Variants in SAMD8 observed in about 807,000 individuals in gnomAD.
SAMD8 encodes the protein sphingomyelin synthase-related protein 1.
SAMD8 carries 20 observed loss-of-function variants against 42.0 expected under a neutral mutation model. The ratio of observed to expected loss-of-function variants is 0.48; its 90% CI spans 0.34 to 0.69. The LOEUF is 0.69. Ranked by LOEUF, SAMD8 falls within the 30% of genes least tolerant of loss-of-function variation. The pLI is 0.01. For synonymous variants in SAMD8, 162 were observed against 173.0 expected, an observed-to-expected ratio of 0.94 and a Z score of 0.50; for missense variants, 328 against 511.6, an observed-to-expected ratio of 0.64 and a Z score of 3.46.
rs770174587 is a variant in SAMD8 at position 75,104,041 on chromosome 10, G to A, written c.-16+4313G>A. The A allele has an allele frequency of 2.1e-5, 29 of 1,363,328 alleles. No homozygotes were observed. The African/African-American group carries it at 3.0e-4, about 14-fold the overall frequency. 84.5% of individuals were successfully genotyped at this position (1,363,328 alleles called of 1,614,324 possible). A position where few individuals can be genotyped will look rare whatever the true frequency, so the allele number is the denominator to read the frequency against. The stretch of plus-strand genomic sequence containing the variant: ...CCAGAGCCTCCAGCAGCACCAGCAG[G>A]ATCAGTGCCAGGGTGGCAAAGTGGC... On this transcript the variant is annotated intron_variant, in intron 1 of 3. Transcript: ENST00000447533.
At chr10:75,121,892 A>C (rs905153400) in intron 1 of SAMD8, among the ~76,000 whole-genome samples, 1 of 152,082 alleles carries the variant, frequency 6.6e-6, no homozygotes, top group Non-Finnish European at 1.5e-5. Context: ...GCATTTCACC[A>C]TGTTGGCCAG....
upstream of SAMD8, chr10:75,108,007 G>C: frequency 1.2e-6 from 2 of 1,612,782 alleles, no homozygotes; most frequent in Non-Finnish European, 1.7e-6. Flanking sequence ...GGCGTGTTGA[G>C]GGCACGGTGG....
chr10:75,137,309 G>A (rs537862950), intron 1 of SAMD8, among the ~76,000 whole-genome samples: 1 of 152,176 alleles, frequency 6.6e-6, no homozygotes, highest in Non-Finnish European at 1.5e-5. Flanking sequence ...GGAGGCCGAG[G>A]TGGGTGGATC....
intron 1 of SAMD8, among the ~76,000 whole-genome samples, chr10:75,135,713 C>G (rs1006572232): frequency 3.3e-5 from 5 of 151,470 alleles, no homozygotes; most frequent in African/African-American, 1.2e-4. Flanking sequence ...GTAGTCCCAG[C>G]TACTTGGGAG....
At chr10:75,111,604 C>A, upstream of SAMD8, 2 of 1,250,496 alleles carry the variant, frequency 1.6e-6, no homozygotes, top group Non-Finnish European at 2.0e-6. Context: ...CCGCCCCGGG[C>A]TCCGCCCCCG....
At position 75,103,676 on chromosome 10, in the gene SAMD8, A is replaced by G. The variant is rs141681270; in HGVS notation, c.-16+3948A>G. 6.0e-4 allele frequency among the ~76,000 whole-genome samples: 91 copies of G among 152,348 alleles called. 1 individual carries two copies. The East Asian group carries it at 0.015, about 25-fold the overall frequency. Reference sequence around the variant, plus strand: ...CACCCATGCCTGCAGCCATACCTGCACTGGGTCTCTGAGGTCTGAGCTCCA... The same window carrying G: ...CACCCATGCCTGCAGCCATACCTGCGCTGGGTCTCTGAGGTCTGAGCTCCA... On this transcript the variant is annotated intron_variant, in intron 1 of 3. Coordinates refer to the SAMD8 transcript ENST00000447533.
intron 4 of SAMD8, among the ~76,000 whole-genome samples, chr10:75,172,746 T>C (rs1056537504): frequency 2.6e-5 from 4 of 152,204 alleles, no homozygotes; most frequent in Admixed American, 6.6e-5. Context: ...TCCACCTGCC[T>C]CGACCTCCGA....
intron 1 of SAMD8, among the ~76,000 whole-genome samples, chr10:75,147,079 A>T (rs1188578457): frequency 6.6e-6 from 1 of 152,196 alleles, no homozygotes; most frequent in Non-Finnish European, 1.5e-5. Context: ...AGCAGCTAAA[A>T]CGTCAGCATC....
chr10:75,167,160 CA>C (rs1324284867), intron 3 of SAMD8, among the ~76,000 whole-genome samples: 4 of 152,154 alleles, frequency 2.6e-5, no homozygotes, highest in South Asian at 2.1e-4. Context: ...TTGATATAAA[CA>C]TTTTTTTTAA....
chr10:75,147,123 C>T (rs1385746360), intron 1 of SAMD8, among the ~76,000 whole-genome samples: 1 of 152,022 alleles, frequency 6.6e-6, no homozygotes, highest in East Asian at 1.9e-4. Flanking sequence ...TTGTAAAGAA[C>T]TGGTGAGCTA....
chr10:75,170,813 G>A (rs1840841004), intron 4 of SAMD8, among the ~76,000 whole-genome samples: 1 of 128,566 alleles, frequency 7.8e-6, no homozygotes, highest in Admixed American at 9.4e-5. Context: ...TTTCCCAGTC[G>A]CCCAGGCTGG....
Position 75,176,125 on chromosome 10 carries a change from T to C in SAMD8, c.852T>C (p.Gly284=). The C allele has an allele frequency of 6.2e-7, 1 of 1,614,226 alleles. No individual in the cohort carries two copies. Residue 284 remains glycine (G), a synonymous_variant, in exon 5 of 6, where the codon GGT becomes GGC. Coordinates refer to ENST00000542569, the MANE Select transcript of SAMD8 (RefSeq NM_001174156.2). The surrounding 1 kb of genome is among the most constrained non-coding windows in gnomAD (Gnocchi z 4.3). The part of the protein sequence containing the change: ...HRAFAIWSGF[G]MTLTGVHTCG... Reference sequence around the variant, plus strand: ...CCTTTGCCATTTGGAGTGGCTTTGGTATGACCCTGACTGGCGTTCACACAT... The same window carrying C: ...CCTTTGCCATTTGGAGTGGCTTTGGCATGACCCTGACTGGCGTTCACACAT...
intron 1 of SAMD8, 113 bp downstream of exon 1, chr10:75,111,835 G>A (rs1245462986): frequency 2.5e-6 from 3 of 1,198,766 alleles, no homozygotes; most frequent in Non-Finnish European, 3.1e-6. Flanking sequence ...GACCTGGAGG[G>A]GCCCCGGGGA....
intron 1 of SAMD8, among the ~76,000 whole-genome samples, chr10:75,126,693 G>A (rs1849148232): frequency 6.6e-6 from 1 of 150,844 alleles, no homozygotes; most frequent in Admixed American, 6.6e-5. Flanking sequence ...TAGGGATGAG[G>A]TCTCCCTATG....
At chr10:75,163,580 G>T (rs551621913) in intron 2 of SAMD8, among the ~76,000 whole-genome samples, 5 of 151,956 alleles carry the variant, frequency 3.3e-5, no homozygotes, top group Non-Finnish European at 5.9e-5. Flanking sequence ...ACTTACAGGC[G>T]CGCAGCACCG....
intron 1 of SAMD8, among the ~76,000 whole-genome samples, chr10:75,127,247 T>C (rs543582109): frequency 6.6e-6 from 1 of 152,224 alleles, no homozygotes; most frequent in South Asian, 2.1e-4. Flanking sequence ...CTTCTGCTGA[T>C]AACTAGAAAA....
intron 2 of SAMD8, among the ~76,000 whole-genome samples, chr10:75,154,159 G>T (rs1840359582): frequency 6.6e-6 from 1 of 152,202 alleles, no homozygotes; most frequent in African/African-American, 2.4e-5. Flanking sequence ...ATTTTTGGAA[G>T]TTGGAAGATG....
chr10:75,151,218 C>T, intron 2 of SAMD8, 112 bp downstream of exon 2: 1 of 536,018 alleles, frequency 1.9e-6, no homozygotes, highest in Non-Finnish European at 3.0e-6. Context: ...GTATACTTTC[C>T]ATTTGCTTTA....
At chr10:75,167,377 C>T (rs972212104) in intron 3 of SAMD8, among the ~76,000 whole-genome samples, 8 of 152,088 alleles carry the variant, frequency 5.3e-5, no homozygotes, top group Admixed American at 4.6e-4. Flanking sequence ...TCCCCTCAGC[C>T]TAGGACTGCA....
Sources: allele counts gnomAD v4.1 joint callset (sites outside exome capture counted in the v4.1 genomes callset), GRCh38; gene constraint gnomAD v4.1.1; non-coding constraint Gnocchi (gnomAD v3.1); transcripts MANE v1.5; gene names NCBI Gene and HGNC (gene_info 2026-07-23, HGNC 2026-07-21).